Variants in NIM1K observed in about 807,000 individuals in gnomAD.
The protein encoded by NIM1K is NIM1 serine/threonine protein kinase, also known as serine/threonine-protein kinase NIM1.
In NIM1K, 35 loss-of-function variants were observed where a neutral mutation model predicts 37.1. The ratio of observed to expected loss-of-function variants is 0.94; its 90% CI spans 0.72 to 1.25. The LOEUF is 1.25. NIM1K is among the 50% of genes most tolerant of loss of function. The pLI, the probability that NIM1K is intolerant of heterozygous loss-of-function variation, is 0.00. For missense variants in NIM1K, 564 were observed against 548.0 expected, an observed-to-expected ratio of 1.03 and a Z score of -0.29; for synonymous variants, 234 against 206.6, an observed-to-expected ratio of 1.13 and a Z score of -1.14.
intron 1 of NIM1K, chr5:43,207,110 T>A (rs1181059015): frequency 5.5e-6 from 4 of 721,076 alleles, no homozygotes; most frequent in Non-Finnish European, 1.0e-5. Context: ...TGAGGTGGTG[T>A]ATGATGAAGA....
intron 2 of NIM1K, among the ~76,000 whole-genome samples, chr5:43,249,483 C>A (rs1044458164): frequency 1.3e-5 from 2 of 152,128 alleles, no homozygotes; most frequent in African/African-American, 4.8e-5. Flanking sequence ...CAATTTGACA[C>A]ATAAAATAAA....
chr5:43,247,533 C>A (rs573368908), intron 2 of NIM1K, among the ~76,000 whole-genome samples: 1 of 152,194 alleles, frequency 6.6e-6, no homozygotes, highest in Non-Finnish European at 1.5e-5. Flanking sequence ...TAGTTTTCAA[C>A]TGACTGCACA....
intron 1 of NIM1K, among the ~76,000 whole-genome samples, chr5:43,233,532 A>G (rs1383455447): frequency 6.6e-6 from 1 of 152,006 alleles, no homozygotes; most frequent in African/African-American, 2.4e-5. Context: ...GTTCCACAAC[A>G]CTCTTTTCCT....
chr5:43,233,056 T>C, intron 1 of NIM1K: 1 of 1,323,312 alleles, frequency 7.6e-7, no homozygotes, highest in Non-Finnish European at 1.1e-6. Context: ...CCGAGTGGTC[T>C]TGTCACTTGG....
chr5:43,253,812 A>AC (rs1173397012), intron 2 of NIM1K, among the ~76,000 whole-genome samples: 3 of 152,044 alleles, frequency 2.0e-5, no homozygotes, highest in African/African-American at 7.2e-5. Context: ...GGCACACGCC[A>AC]CCATGCTCGG....
At position 43,225,260 on chromosome 5, in the gene NIM1K, C is replaced by CAAAA. The variant is rs10555794; in HGVS notation, c.-694-19795_-694-19792dup. On this transcript the variant is annotated intron_variant, in intron 1 of 3. Transcript: ENST00000326035. ...GGGCAACAGAAAGAGACCCTCTTTC[C>CAAAA]AAAAAAAAAAAAAAAAAAAAAAAAA... is the stretch of plus-strand genomic sequence containing the variant. Among the ~76,000 whole-genome samples, 359 of 72,704 alleles carry CAAAA rather than the reference C, an allele frequency of 4.9e-3. 14 individuals carry two copies. Among genetic ancestry groups the CAAAA allele is most frequent in the Non-Finnish European group, 6.7e-3 (274 of 40,752 alleles). The allele number at this position is 72,704 out of a possible 152,430, so 47.7% of individuals were successfully genotyped here.
intron 2 of NIM1K, among the ~76,000 whole-genome samples, chr5:43,265,843 C>G (rs1342767329): frequency 6.6e-6 from 1 of 152,230 alleles, no homozygotes; most frequent in East Asian, 1.9e-4. Context: ...TTCCTTCTAA[C>G]AGACAGGACC....
At chr5:43,257,499 C>T (rs1752963878) in intron 2 of NIM1K, among the ~76,000 whole-genome samples, 1 of 150,806 alleles carries the variant, frequency 6.6e-6, no homozygotes, top group Non-Finnish European at 1.5e-5. Context: ...TCCTGAGTAG[C>T]TAGGACTACA....
At chr5:43,207,865 T>G in intron 1 of NIM1K, 1 of 318,462 alleles carries the variant, frequency 3.1e-6, no homozygotes, top group Non-Finnish European at 5.7e-6. Flanking sequence ...GACCTCCATA[T>G]GCTGTACATG....
chr5:43,221,076 G>A (rs886835066), intron 1 of NIM1K, among the ~76,000 whole-genome samples: 2 of 152,138 alleles, frequency 1.3e-5, no homozygotes, highest in African/African-American at 2.4e-5. Flanking sequence ...AACTCACAGC[G>A]AGTCCCAATA....
chr5:43,199,838 G>A (rs180872970), intron 1 of NIM1K, among the ~76,000 whole-genome samples: 54 of 152,282 alleles, frequency 3.5e-4, no homozygotes, highest in African/African-American at 9.4e-4. Flanking sequence ...GTCCCAGTTC[G>A]TCAGTGCAAC....
At chr5:43,199,115 G>A (rs1579951777) in intron 1 of NIM1K, among the ~76,000 whole-genome samples, 1 of 148,026 alleles carries the variant, frequency 6.8e-6, no homozygotes, top group African/African-American at 2.5e-5. Flanking sequence ...TTGAACCCGG[G>A]AGGCAGAGGT....
At chr5:43,237,401 A>T (rs1752637311) in intron 1 of NIM1K, among the ~76,000 whole-genome samples, 1 of 152,230 alleles carries the variant, frequency 6.6e-6, no homozygotes, top group African/African-American at 2.4e-5. Flanking sequence ...ATCTGCAGTG[A>T]TGTGACTCCA....
intron 1 of NIM1K, among the ~76,000 whole-genome samples, chr5:43,196,456 G>A (rs781088598): frequency 2.0e-4 from 30 of 148,180 alleles, no homozygotes; most frequent in Non-Finnish European, 3.7e-4. Flanking sequence ...GTGAAACCCT[G>A]TCTCTACTAA....
intron 1 of NIM1K, among the ~76,000 whole-genome samples, chr5:43,220,776 T>C (rs924418751): frequency 6.6e-6 from 1 of 152,244 alleles, no homozygotes; most frequent in Admixed American, 6.5e-5. Flanking sequence ...ATTATTGTTA[T>C]GTGTATTACA....
At chr5:43,205,152 G>T (rs1324908499) in intron 1 of NIM1K, among the ~76,000 whole-genome samples, 1 of 152,220 alleles carries the variant, frequency 6.6e-6, no homozygotes, top group Non-Finnish European at 1.5e-5. Context: ...GTAGTGTTAG[G>T]TTCCACTGCA....
chr5:43,198,205 TTCTCTTTCTTTCTTTCTTTCTTTCTTTC>T (rs1751956852), intron 1 of NIM1K, among the ~76,000 whole-genome samples: 1 of 40,902 alleles, frequency 2.4e-5, no homozygotes, highest in Non-Finnish European at 4.7e-5. Context: ...CTTTCTTTCT[TTCTCTTTCTTTCTTTCTTTCTTTCTTTC>T]TTTCTTTCTT....
At chr5:43,277,728 T>G (rs1293912149) in intron 3 of NIM1K, among the ~76,000 whole-genome samples, 1 of 150,644 alleles carries the variant, frequency 6.6e-6, no homozygotes, top group Non-Finnish European at 1.5e-5. Context: ...CTATCCATAC[T>G]TCATGCCCAG....
chr5:43,203,156 C>T (rs71627591), intron 1 of NIM1K, among the ~76,000 whole-genome samples: 9,228 of 152,184 alleles, frequency 0.061, 357 homozygotes, highest in East Asian at 0.16. Flanking sequence ...GAAGACCTCC[C>T]TCCTAGGCTC....
Sources: gnomAD v4.1 joint callset for allele counts (sites outside exome capture counted in the v4.1 genomes callset) on GRCh38, gnomAD v4.1.1 for gene constraint, MANE v1.5 for transcripts, NCBI Gene and HGNC (gene_info 2026-07-23, HGNC 2026-07-21) for gene names.